GAS2: variants seen among roughly 807,000 people sequenced by gnomAD.
GAS2 encodes the protein growth arrest specific 2.
A neutral mutation model predicts 37.5 loss-of-function variants in GAS2; 20 were observed. That is an observed-to-expected ratio of 0.53 (90% CI 0.37 to 0.77). GAS2 has a LOEUF of 0.77. GAS2 is among the 30% of genes least tolerant of loss of function. The probability of loss-of-function intolerance (pLI) is 0.00; values close to 1 mark genes in which losing one functional copy is unlikely to be tolerated. For synonymous variants in GAS2, 144 were observed against 132.2 expected (o/e 1.09, Z -0.61); for missense variants, 336 against 373.4 (o/e 0.90, Z 0.82).
intron 1 of GAS2, among the ~76,000 whole-genome samples, chr11:22,654,114 CT>C (rs1848829134): frequency 1.3e-5 from 2 of 152,196 alleles, no homozygotes; most frequent in African/African-American, 4.8e-5. Context: ...CAATACAGTG[CT>C]TTGTCTGATT....
At chr11:22,712,812 C>T (rs576259689) in intron 3 of GAS2, among the ~76,000 whole-genome samples, 1 of 152,056 alleles carries the variant, frequency 6.6e-6, no homozygotes, top group Non-Finnish European at 1.5e-5. Context: ...GGCAGTGGCT[C>T]ATGCCTGTAA....
intron 1 of GAS2, among the ~76,000 whole-genome samples, chr11:22,649,623 A>G (rs535478536): frequency 2.6e-4 from 39 of 152,196 alleles, no homozygotes; most frequent in African/African-American, 9.4e-4. Context: ...CAGAGATTCA[A>G]CTTCTTCCTG....
intron 5 of GAS2, 82 bp downstream of exon 5, chr11:22,737,850 G>A (rs1013303809): frequency 2.4e-6 from 3 of 1,250,302 alleles, no homozygotes; most frequent in African/African-American, 2.9e-5. Flanking sequence ...GCTTTTCATT[G>A]CTAATGTTTA....
chr11:22,627,156 A>G (rs966171071), intron 1 of GAS2, among the ~76,000 whole-genome samples: 1 of 152,198 alleles, frequency 6.6e-6, no homozygotes, highest in East Asian at 1.9e-4. Flanking sequence ...ATTTTATTTT[A>G]TCCTAAGGAT....
chr11:22,667,233 G>C (rs1849021099), intron 1 of GAS2: 1 of 152,168 alleles, frequency 6.6e-6, no homozygotes, highest in African/African-American at 2.4e-5. Context: ...CAGGGACAGA[G>C]TGAGGATTTT....
At chr11:22,746,589 T>A (rs969044914) in intron 5 of GAS2, among the ~76,000 whole-genome samples, 6 of 152,036 alleles carry the variant, frequency 3.9e-5, no homozygotes, top group Non-Finnish European at 8.8e-5. Context: ...CTTAAGCAAA[T>A]TAACACAGAA....
intron 2 of GAS2, among the ~76,000 whole-genome samples, chr11:22,681,541 T>C (rs1328011355): frequency 6.6e-6 from 1 of 152,174 alleles, no homozygotes; most frequent in Non-Finnish European, 1.5e-5. Context: ...GTCAGGACTT[T>C]AACATGATTT....
At chr11:22,789,028 G>A (rs1855962236) in intron 7 of GAS2, among the ~76,000 whole-genome samples, 1 of 151,266 alleles carries the variant, frequency 6.6e-6, no homozygotes, top group Admixed American at 6.6e-5. Context: ...CAATCACTAG[G>A]GAAATACTGA....
intron 4 of GAS2, among the ~76,000 whole-genome samples, chr11:22,735,244 T>TTTTC (rs1554976312): frequency 6.7e-6 from 1 of 148,584 alleles, no homozygotes; most frequent in African/African-American, 2.5e-5. Context: ...TTTTTTTTTT[T>TTTTC]GGTCCATTAG....
At chr11:22,760,705 CAAAG>C (rs1349194704) in intron 7 of GAS2, among the ~76,000 whole-genome samples, 1 of 151,884 alleles carries the variant, frequency 6.6e-6, no homozygotes, top group Non-Finnish European at 1.5e-5. Flanking sequence ...AGGATAAAGA[CAAAG>C]AAAATGGGAA....
chr11:22,790,174 G>A (rs1856074235), intron 7 of GAS2, among the ~76,000 whole-genome samples: 1 of 152,124 alleles, frequency 6.6e-6, no homozygotes, highest in Admixed American at 6.5e-5. Flanking sequence ...GTGGGAAATT[G>A]GATGAGAGTG....
intron 7 of GAS2, among the ~76,000 whole-genome samples, chr11:22,789,376 A>G (rs1309300041): frequency 5.8e-5 from 5 of 86,228 alleles, no homozygotes; most frequent in African/African-American, 1.9e-4. Flanking sequence ...ATACACATAT[A>G]TATGTACATA....
At position 22,646,877 on chromosome 11, in the gene GAS2, CTCTT is replaced by C. The variant is rs926563340; in HGVS notation, c.-21+21074_-21+21077del. Among the ~76,000 whole-genome samples, 25 of 150,872 alleles carry C rather than the reference CTCTT, an allele frequency of 1.7e-4. No homozygotes were observed. In the South Asian group the frequency reaches 3.4e-3, roughly 20 times the overall value. On this transcript the variant is annotated intron_variant, in intron 1 of 5. Coordinates refer to the GAS2 transcript ENST00000528582. ...CTTCTCATTTGTGCTTGCTTGCTTT[CTCTT>C]TCTTTCTTTTTCTTTCTTTCCTTCT... is the stretch of plus-strand genomic sequence containing the variant.
chr11:22,639,396 CT>C (rs1858881865), intron 1 of GAS2, among the ~76,000 whole-genome samples: 1 of 152,166 alleles, frequency 6.6e-6, no homozygotes, highest in African/African-American at 2.4e-5. Context: ...AGGTCCTCAC[CT>C]TGGACTCCCC....
chr11:22,768,411 A>G (rs1284763262), intron 7 of GAS2, among the ~76,000 whole-genome samples: 1 of 152,194 alleles, frequency 6.6e-6, no homozygotes, highest in East Asian at 1.9e-4. Flanking sequence ...TTTCTTTTAC[A>G]TCACTATCTC....
intron 6 of GAS2, among the ~76,000 whole-genome samples, chr11:22,752,319 T>C (rs1853786024): frequency 6.6e-6 from 1 of 152,030 alleles, no homozygotes; most frequent in African/African-American, 2.4e-5. Context: ...GAAAACTGCA[T>C]TGAACTATTT....
chr11:22,647,407 G>C (rs1187543618), intron 1 of GAS2, among the ~76,000 whole-genome samples: 1 of 152,154 alleles, frequency 6.6e-6, no homozygotes, highest in Non-Finnish European at 1.5e-5. Context: ...CTTTATAGCA[G>C]CATGATTTAT....
At chr11:22,649,229 G>T (rs1848741410) in intron 1 of GAS2, among the ~76,000 whole-genome samples, 1 of 151,970 alleles carries the variant, frequency 6.6e-6, no homozygotes, top group Non-Finnish European at 1.5e-5. Context: ...TTATTGATTT[G>T]CGTATATTGA....
rs916920822 is a variant in GAS2, at chr11:22,674,794, A to G, written c.-20-56A>G. On this transcript the variant is annotated intron_variant, in intron 1 of 7. Transcript: ENST00000454584. ...AGTTCATTATAATGTCATGATGACA[A>G]CATTTTGTGAGAGAAGTCTGTATAA... 39 of 1,361,598 alleles carry G rather than the reference A, an allele frequency of 2.9e-5. No homozygotes were observed. The South Asian group carries it at 4.9e-4, about 17-fold the overall frequency. 84.3% of individuals were successfully genotyped at this position (1,361,598 alleles called of 1,614,324 possible).
Sources: gnomAD v4.1 joint callset for allele counts (sites outside exome capture counted in the v4.1 genomes callset) on GRCh38, gnomAD v4.1.1 for gene constraint, MANE v1.5 for transcripts, NCBI Gene and HGNC (gene_info 2026-07-23, HGNC 2026-07-21) for gene names.